The following CLEC16A variants were observed in gnomAD, a reference collection of about 807,000 sequenced individuals.
CLEC16A encodes the protein protein CLEC16A.
A neutral mutation model predicts 109.5 loss-of-function variants in CLEC16A; 51 were observed. The observed-to-expected ratio is 0.47, with a 90% CI of 0.37 to 0.59. The LOEUF is 0.59. CLEC16A is among the 20% of genes least tolerant of loss of function. The probability of loss-of-function intolerance (pLI) is 0.00; values close to 1 mark genes in which losing one functional copy is unlikely to be tolerated. For missense variants in CLEC16A, 1,339 were observed against 1,394.0 expected, an observed-to-expected ratio of 0.96 and a Z score of 0.63; for synonymous variants, 673 against 564.2, an observed-to-expected ratio of 1.19 and a Z score of -2.73.
rs1036361988 is a variant in CLEC16A at position 11,095,837 on chromosome 16, A to G, written c.2117-24778A>G. Among the ~76,000 whole-genome samples the G allele has an allele frequency of 1.6e-3, 221 of 137,472 alleles. 1 individual carries two copies. The highest frequency in any genetic ancestry group is 5.6e-3 in the African/African-American group (201 of 36,040). The allele number at this position is 137,472 out of a possible 152,430, so 90.2% of individuals were successfully genotyped here. ...AAAAAGAAAAAAAAAAAAAAAAAAA[A>G]GGGAGCTAGAAGCGTAGCTGTAGCG... On this transcript the variant is annotated intron_variant, in intron 19 of 23. Transcript: ENST00000409790.
At position 11,027,108 on chromosome 16, in the gene CLEC16A, A is replaced by T. The variant is rs1229411120; in HGVS notation, c.1537+2187A>T. 4 of 1,523,800 alleles carry T rather than the reference A, an allele frequency of 2.6e-6. No individual in the cohort carries two copies. The Admixed American group carries it at 5.0e-5, about 19-fold the overall frequency. 94.4% of individuals were successfully genotyped at this position (1,523,800 alleles called of 1,614,324 possible). On this transcript the variant is annotated intron_variant, in intron 13 of 23. Transcript: ENST00000409790. ...GAAGGCTTATCAGGCACTCAAAGCC[A>T]CCCAGGCAAAGCAGGAACTTTTGGC...
At chr16:11,104,810 A>T (rs1028367227) in intron 19 of CLEC16A, among the ~76,000 whole-genome samples, 1 of 152,222 alleles carries the variant, frequency 6.6e-6, no homozygotes. Context: ...CCTGTAGCCC[A>T]GTACCCGACA....
intron 10 of CLEC16A, among the ~76,000 whole-genome samples, chr16:10,997,176 C>T (rs1276037288): frequency 6.6e-6 from 1 of 152,112 alleles, no homozygotes; most frequent in East Asian, 1.9e-4. Flanking sequence ...TTCCTGTGCT[C>T]ATCTTGAACT....
intron 19 of CLEC16A, among the ~76,000 whole-genome samples, chr16:11,099,704 C>T (rs975614772): frequency 6.6e-6 from 1 of 152,224 alleles, no homozygotes; most frequent in East Asian, 1.9e-4. Context: ...TCGTCTGGAA[C>T]TGAAAGCCCA....
At chr16:11,054,872 T>C (rs2048126579) in intron 18 of CLEC16A, among the ~76,000 whole-genome samples, 1 of 152,056 alleles carries the variant, frequency 6.6e-6, no homozygotes, top group African/African-American at 2.4e-5. Context: ...TCGTTTCAAG[T>C]TTTTTGCTTG....
chr16:11,065,303 C>T (rs894976162), intron 19 of CLEC16A, among the ~76,000 whole-genome samples: 1 of 152,184 alleles, frequency 6.6e-6, no homozygotes, highest in Non-Finnish European at 1.5e-5. Context: ...ACCTGGCAAC[C>T]AGGTGTGTTC....
rs2048635670 is a variant in CLEC16A, at chr16:11,064,085, A to G, written c.2116+3063A>G. Among the ~76,000 whole-genome samples, 4 of 152,220 alleles carry G rather than the reference A, an allele frequency of 2.6e-5. 1 individual carries two copies. The highest frequency in any genetic ancestry group is 9.6e-5 in the African/African-American group (4 of 41,452). Reference sequence around the variant, plus strand: ...CTCCATATACCCAGCCCTCAGCTTCAACAGTTTTTACCATTTAGCTAAGTT... The same window carrying G: ...CTCCATATACCCAGCCCTCAGCTTCGACAGTTTTTACCATTTAGCTAAGTT... On this transcript the variant is annotated intron_variant, in intron 19 of 23. Coordinates refer to ENST00000409790, the MANE Select transcript of CLEC16A (RefSeq NM_015226.3).
At chr16:11,091,000 A>G (rs1248293629) in intron 19 of CLEC16A, among the ~76,000 whole-genome samples, 2 of 151,844 alleles carry the variant, frequency 1.3e-5, no homozygotes, top group African/African-American at 4.8e-5. Context: ...AGGTCTCACT[A>G]CGTTGCCCAG....
intron 10 of CLEC16A, among the ~76,000 whole-genome samples, chr16:11,002,461 T>G (rs2044723545): frequency 6.6e-6 from 1 of 152,222 alleles, no homozygotes; most frequent in Non-Finnish European, 1.5e-5. Flanking sequence ...GATCTGGAGG[T>G]GGCATTTGTT....
At position 11,063,261 on chromosome 16, in the gene CLEC16A, G is replaced by T. The variant is rs941031561; in HGVS notation, c.2116+2239G>T. ...TATGCCTGTATTGTTGGTTTATTTG[G>T]TTTTTTTCTTCTTTCCTTTTTTTTT... On this transcript the variant is annotated intron_variant, in intron 19 of 23. Coordinates refer to ENST00000409790, the MANE Select transcript of CLEC16A (RefSeq NM_015226.3). Among the ~76,000 whole-genome samples, 9 of 142,408 alleles carry T rather than the reference G, an allele frequency of 6.3e-5. No homozygotes were observed. The East Asian group carries it at 8.2e-4, about 13-fold the overall frequency. 93.4% of individuals were successfully genotyped at this position (142,408 alleles called of 152,430 possible).
chr16:11,124,282 G>T (rs1013979046), intron 21 of CLEC16A, among the ~76,000 whole-genome samples: 18 of 152,256 alleles, frequency 1.2e-4, no homozygotes, highest in African/African-American at 4.3e-4. Flanking sequence ...TACCACCTCC[G>T]ATCCTTAAAA....
In CLEC16A at chr16:11,055,605, T is replaced by TTTTC. The variant is rs1268458004; in HGVS notation, c.1995+3965_1995+3966insTTCT. ...TTTTTTTTTTTTTTTTTTTTTTTTT[T>TTTTC]TGAGACGAGTCTCAGTCTGTCACCC... is the stretch of plus-strand genomic sequence containing the variant. On this transcript the variant is annotated intron_variant, in intron 18 of 23. Transcript: ENST00000409790. Among the ~76,000 whole-genome samples the TTTTC allele has an allele frequency of 3.6e-4, 51 of 141,398 alleles. 1 individual carries two copies. The highest frequency in any genetic ancestry group is 1.4e-3 in the African/African-American group (50 of 36,300). 92.8% of individuals were successfully genotyped at this position (141,398 alleles called of 152,430 possible).
At chr16:11,133,421 G>A (rs1359505761) in intron 22 of CLEC16A, among the ~76,000 whole-genome samples, 3 of 151,816 alleles carry the variant, frequency 2.0e-5, no homozygotes, top group Admixed American at 1.3e-4. Context: ...CTTTATCAAA[G>A]GCACCTAAAC....
chr16:11,065,059 G>T (rs959450013), intron 19 of CLEC16A, among the ~76,000 whole-genome samples: 25 of 152,218 alleles, frequency 1.6e-4, no homozygotes, highest in Non-Finnish European at 3.1e-4. Context: ...GGGTAAGAAA[G>T]ATATAGCTCT....
At chr16:10,952,949 T>C (rs1323558811) in intron 1 of CLEC16A, among the ~76,000 whole-genome samples, 1 of 152,264 alleles carries the variant, frequency 6.6e-6, no homozygotes, top group East Asian at 1.9e-4. Context: ...ATTGTAAATA[T>C]GTCAGTTCTC....
chr16:10,986,477 A>C (rs1408191886), intron 10 of CLEC16A, among the ~76,000 whole-genome samples: 3 of 152,224 alleles, frequency 2.0e-5, no homozygotes, highest in Non-Finnish European at 4.4e-5. Flanking sequence ...CTTCAGAAGT[A>C]CAATGTGCTA....
intron 3 of CLEC16A, among the ~76,000 whole-genome samples, chr16:10,965,255 A>G (rs185044860): frequency 6.6e-6 from 1 of 152,382 alleles, no homozygotes; most frequent in East Asian, 1.9e-4. Context: ...CAAAAAGGGT[A>G]GAAATCATTG....
chr16:11,096,966 G>C (rs377461896), intron 19 of CLEC16A, among the ~76,000 whole-genome samples: 1 of 152,162 alleles, frequency 6.6e-6, no homozygotes, highest in African/African-American at 2.4e-5. Context: ...AATGACTAAA[G>C]TTTAGGAACC....
At chr16:11,023,069 GA>G (rs1329004933) in intron 12 of CLEC16A, among the ~76,000 whole-genome samples, 1 of 148,950 alleles carries the variant, frequency 6.7e-6, no homozygotes, top group African/African-American at 2.5e-5. Context: ...GAATCAGGGG[GA>G]CTACCATTTT....
Sources: allele counts gnomAD v4.1 joint callset (sites outside exome capture counted in the v4.1 genomes callset), GRCh38; gene constraint gnomAD v4.1.1; transcripts MANE v1.5; gene names NCBI Gene and HGNC (gene_info 2026-07-23, HGNC 2026-07-21).